Variants in COL4A4 observed in about 807,000 individuals in gnomAD.
COL4A4 encodes the protein collagen type IV alpha 4 chain, also known as collagen alpha-4(IV) chain.
A neutral mutation model predicts 192.9 loss-of-function variants in COL4A4; 105 were observed. That is an observed-to-expected ratio of 0.54 (90% CI 0.46 to 0.64). The LOEUF (loss-of-function observed/expected upper bound fraction) is 0.64. Ranked by LOEUF, COL4A4 falls within the 30% of genes least tolerant of loss-of-function variation. COL4A4 has a pLI of 0.00. For missense variants in COL4A4, 1,967 were observed against 2,169.3 expected (o/e 0.91, Z 1.85); for synonymous variants, 762 against 769.9 (o/e 0.99, Z 0.17).
chr2:227,032,188 A>G lies in COL4A4; in HGVS notation c.3666T>C (p.Pro1222=), dbSNP rs372838090. Residue 1222 remains proline, a synonymous_variant, in exon 39 of 48, where the codon CCT becomes CCC. Coordinates refer to ENST00000396625, the MANE Select transcript of COL4A4 (RefSeq NM_000092.5). ...GACCTTTCTTTCCACGAGGACCTGG[A>G]GGAGAGATTCCTGGGCTCCCAGGGT... ...RGDPGSPGIS[P]PGPRGKKGPP... 93 of 1,614,184 alleles carry G rather than the reference A, an allele frequency of 5.8e-5. No individual in the cohort carries two copies. In the African/African-American group the frequency reaches 1.0e-3, roughly 18 times the overall value.
intron 21 of COL4A4, 101 bp downstream of exon 21, chr2:227,089,767 T>G: frequency 2.1e-6 from 2 of 969,428 alleles, no homozygotes; most frequent in South Asian, 1.4e-5. Flanking sequence ...CTAAGGTGAG[T>G]AACAAATCTG....
intron 46 of COL4A4, 57 bp from the exon 47 acceptor site, chr2:227,008,361 G>A: frequency 6.3e-7 from 1 of 1,576,430 alleles, no homozygotes. Context: ...GGTGTTCCCA[G>A]ACCCTTCCTT....
At chr2:227,154,723 C>T (rs561750720) in intron 1 of COL4A4, among the ~76,000 whole-genome samples, 8 of 152,314 alleles carry the variant, frequency 5.3e-5, no homozygotes, top group African/African-American at 1.9e-4. Flanking sequence ...GAATATTCAG[C>T]TTTTGTAGAG....
chr2:227,151,948 G>A (rs2063977051), intron 1 of COL4A4, among the ~76,000 whole-genome samples: 1 of 152,222 alleles, frequency 6.6e-6, no homozygotes, highest in Admixed American at 6.5e-5. Context: ...CCAGTCTTAG[G>A]TATTTTGTTG....
chr2:227,041,775 GAA>G (rs1971019827), intron 37 of COL4A4, among the ~76,000 whole-genome samples: 3 of 76,522 alleles, frequency 3.9e-5, no homozygotes, highest in Non-Finnish European at 7.9e-5. Context: ...AGGAAGGAAG[GAA>G]GGAAGGAAGG....
intron 42 of COL4A4, 36 bp downstream of exon 42, chr2:227,027,866 T>G (rs1332975401): frequency 7.2e-7 from 1 of 1,397,954 alleles, no homozygotes; most frequent in East Asian, 2.3e-5. Context: ...TTAGTAAATG[T>G]TTAAACAAAA....
chr2:226,995,336 C>G, the COL4A4 span: 1 of 743,316 alleles, frequency 1.3e-6, no homozygotes, highest in Non-Finnish European at 2.4e-6. Context: ...ATGAAGATGA[C>G]ACCCAAGCTA....
intron 3 of COL4A4, 25 bp from the exon 4 acceptor site, chr2:227,140,263 G>A (rs2063109042): frequency 6.3e-7 from 1 of 1,595,160 alleles, no homozygotes; most frequent in African/African-American, 1.3e-5. Flanking sequence ...ATCTTATTTA[G>A]TATACCAGTA....
intron 31 of COL4A4, among the ~76,000 whole-genome samples, chr2:227,053,082 T>A (rs1974484785): frequency 6.7e-6 from 1 of 149,198 alleles, no homozygotes; most frequent in African/African-American, 2.6e-5. Context: ...TAAACCACGG[T>A]GCTTTTTTTT....
In COL4A4 at chr2:227,007,486, G is replaced by T. The variant is rs755824478; in HGVS notation, c.4912C>A (p.Gln1638Lys). 8 of 1,614,012 alleles carry T rather than the reference G, an allele frequency of 5.0e-6. No homozygotes were observed. In the South Asian group the frequency reaches 7.7e-5, roughly 16 times the overall value. Residue 1638 changes from glutamine to lysine, a missense_variant, in exon 48 of 48, where the codon CAG becomes AAG. By Grantham distance (53) the Gln-to-Lys change is moderately conservative. Transcript: ENST00000396625. Reference sequence around the variant, plus strand: ...TTTGCGAAAAAGTGGCAAGTTCCCTGCCGGCCCTGGCATTCAAGGAATGGT... The same window carrying T: ...TTTGCGAAAAAGTGGCAAGTTCCCTTCCGGCCCTGGCATTCAAGGAATGGT... ...AAPFLECQGR[Q>K]GTCHFFANKY...
the COL4A4 span, chr2:226,988,272 C>A: frequency 6.7e-7 from 1 of 1,490,874 alleles, no homozygotes; most frequent in African/African-American, 1.4e-5. Flanking sequence ...CCTGAGGAGG[C>A]CACTGTAAGT....
rs370462308 is a variant in COL4A4 at position 227,098,110 on chromosome 2, G to A, written c.1204+584C>T. ...TCATTTTCTTATTTTTGTTTTTGAC[G>A]CGAGGGAAGAAGACTTTTTTAAAGT... On this transcript the variant is annotated intron_variant, in intron 19 of 47. Transcript: ENST00000396625. Among the ~76,000 whole-genome samples, 3 of 152,070 alleles carry A rather than the reference G, an allele frequency of 2.0e-5. No individual in the cohort carries two copies. The South Asian group carries it at 6.2e-4, about 32-fold the overall frequency.
intron 7 of COL4A4, among the ~76,000 whole-genome samples, 182 bp from the exon 8 acceptor site, chr2:227,114,878 C>G (rs376823154): frequency 2.6e-5 from 4 of 152,084 alleles, no homozygotes; most frequent in Non-Finnish European, 5.9e-5. Flanking sequence ...TATATTTACT[C>G]CATATTCAGT....
At chr2:227,127,669 C>T (rs4074455) in intron 4 of COL4A4, among the ~76,000 whole-genome samples, 53,500 of 152,008 alleles carry the variant, frequency 0.35, 9,991 homozygotes, top group Non-Finnish European at 0.41. Flanking sequence ...GATCTGGTTG[C>T]CCCAGGGACC....
At chr2:227,070,889 A>G (rs968353337) in intron 25 of COL4A4, among the ~76,000 whole-genome samples, 1 of 151,754 alleles carries the variant, frequency 6.6e-6, no homozygotes, top group African/African-American at 2.4e-5. Flanking sequence ...AAATAAATAA[A>G]TAAATAAATA....
intron 34 of COL4A4, 42 bp downstream of exon 34, chr2:227,050,026 A>T: frequency 3.2e-6 from 5 of 1,562,106 alleles, no homozygotes; most frequent in Non-Finnish European, 4.4e-6. Flanking sequence ...AACATTCGGG[A>T]CTATGCATTT....
At chr2:227,001,491 C>T (rs1361252048), downstream of COL4A4, among the ~76,000 whole-genome samples, 4 of 152,092 alleles carry the variant, frequency 2.6e-5, no homozygotes, top group South Asian at 4.1e-4. Context: ...CCTTAGAACC[C>T]GTAAAACAAG....
Position 227,059,623 on chromosome 2 carries a change from C to T in COL4A4, c.2165G>A (p.Gly722Asp). The part of the protein sequence containing the change: ...PGTAEIPGPP[G>D]FRGDMGDPGF... ...CGGATCTCCCATGTCACCACGAAAACCTATTTAACAACAAAAAAAAATTTT... is the reference window on the plus strand; with the variant it reads ...CGGATCTCCCATGTCACCACGAAAATCTATTTAACAACAAAAAAAAATTTT... The change falls in exon 28 of 48, where the codon GGT becomes GAT. Residue 722 changes from glycine to aspartate, a missense_variant and splice_region_variant. Physicochemically the swap from Gly to Asp is moderately conservative, Grantham distance 94. Transcript: ENST00000396625. 1 of 1,612,988 alleles carries T rather than the reference C, an allele frequency of 6.2e-7. No homozygotes were observed. The highest frequency in any genetic ancestry group is 8.5e-7 in the Non-Finnish European group (1 of 1,179,692).
chr2:227,076,698 A>G (rs1277596749), intron 25 of COL4A4, among the ~76,000 whole-genome samples: 2 of 152,214 alleles, frequency 1.3e-5, no homozygotes, highest in African/African-American at 2.4e-5. Flanking sequence ...CAGAGTGAAC[A>G]AGCAACCTAC....
Sources: allele counts gnomAD v4.1 joint callset (sites outside exome capture counted in the v4.1 genomes callset), GRCh38; gene constraint gnomAD v4.1.1; transcripts MANE v1.5; gene names NCBI Gene and HGNC (gene_info 2026-07-23, HGNC 2026-07-21).